The following KCNJ3 variants were observed in gnomAD, a reference collection of about 807,000 sequenced individuals.
The protein encoded by KCNJ3 is potassium inwardly rectifying channel subfamily J member 3, also known as G protein-activated inward rectifier potassium channel 1.
In KCNJ3, 4 loss-of-function variants were observed where a neutral mutation model predicts 39.2. The ratio of observed to expected loss-of-function variants is 0.10; its 90% CI spans 0.05 to 0.23. KCNJ3 has a LOEUF of 0.23. Among genes scored for constraint, KCNJ3 ranks in the 10% least tolerant of loss-of-function variants. KCNJ3 has a pLI of 1.00. For synonymous variants in KCNJ3, 230 were observed against 237.4 expected (o/e 0.97, Z 0.29); for missense variants, 276 against 634.9 (o/e 0.43, Z 6.08).
chr2:154,809,905 TG>T (rs1686978898), intron 2 of KCNJ3, among the ~76,000 whole-genome samples: 1 of 145,876 alleles, frequency 6.9e-6, no homozygotes, highest in Non-Finnish European at 1.5e-5. Context: ...TATATATATA[TG>T]CACACACACA....
chr2:154,775,041 C>T lies in KCNJ3; in HGVS notation c.919+65222C>T, dbSNP rs72875781. Among the ~76,000 whole-genome samples, 429 of 152,188 alleles carry T rather than the reference C, an allele frequency of 2.8e-3. 3 individuals carry two copies. Among genetic ancestry groups the T allele is most frequent in the Non-Finnish European group, 4.6e-3 (311 of 68,020 alleles). Reference sequence around the variant, plus strand: ...AAGCTATCCTCCTGTTTTAGCGTCTCGAATAGTTGGGACCACAGGCATAAG... The same window carrying T: ...AAGCTATCCTCCTGTTTTAGCGTCTTGAATAGTTGGGACCACAGGCATAAG... On this transcript the variant is annotated intron_variant, in intron 2 of 2. Coordinates refer to ENST00000295101, the MANE Select transcript of KCNJ3 (RefSeq NM_002239.4).
At chr2:154,836,016 G>A (rs2105124442) in intron 2 of KCNJ3, among the ~76,000 whole-genome samples, 1 of 152,082 alleles carries the variant, frequency 6.6e-6, no homozygotes, top group Non-Finnish European at 1.5e-5. Flanking sequence ...TTTGAGACCA[G>A]CCTGGCCAAC....
chr2:154,823,154 AT>A (rs1351020183), intron 2 of KCNJ3, among the ~76,000 whole-genome samples: 11 of 152,290 alleles, frequency 7.2e-5, no homozygotes, highest in South Asian at 6.2e-4. Context: ...TATGGTACTA[AT>A]AAAAAGTATG....
chr2:154,847,796 T>C (rs1208758634), intron 2 of KCNJ3, among the ~76,000 whole-genome samples: 1 of 152,178 alleles, frequency 6.6e-6, no homozygotes, highest in African/African-American at 2.4e-5. Flanking sequence ...TAAAGAGATG[T>C]ATTAGTTTTT....
At chr2:154,732,695 C>T (rs944633081) in intron 2 of KCNJ3, among the ~76,000 whole-genome samples, 1 of 152,098 alleles carries the variant, frequency 6.6e-6, no homozygotes, top group Non-Finnish European at 1.5e-5. Context: ...GAGTTGACAT[C>T]CCAAGTAGTT....
intron 2 of KCNJ3, among the ~76,000 whole-genome samples, chr2:154,777,620 A>G (rs981305861): frequency 1.1e-4 from 16 of 152,322 alleles, no homozygotes; most frequent in South Asian, 2.1e-4. Context: ...AGTTGAATCA[A>G]TAACTTCTTT....
intron 2 of KCNJ3, among the ~76,000 whole-genome samples, chr2:154,762,446 G>A (rs1274875291): frequency 6.6e-6 from 1 of 152,080 alleles, no homozygotes; most frequent in African/African-American, 2.4e-5. Context: ...CTGGAGAGTG[G>A]GCCAGGATTT....
intron 2 of KCNJ3, among the ~76,000 whole-genome samples, chr2:154,766,240 T>A (rs3963114): frequency 0.029 from 4,383 of 152,328 alleles, 177 homozygotes; most frequent in East Asian, 0.2. Context: ...TTAACCAGTT[T>A]AACCATTTTC....
chr2:154,732,486 G>A (rs1041907139), intron 2 of KCNJ3, among the ~76,000 whole-genome samples: 1 of 151,986 alleles, frequency 6.6e-6, no homozygotes, highest in Non-Finnish European at 1.5e-5. Flanking sequence ...TTTGGAAAAA[G>A]ACTCAAAAGG....
intron 2 of KCNJ3, among the ~76,000 whole-genome samples, chr2:154,767,328 C>T (rs185721779): frequency 6.6e-6 from 1 of 151,928 alleles, no homozygotes; most frequent in African/African-American, 2.4e-5. Flanking sequence ...AATGCCATCC[C>T]TCCCCACTCC....
intron 2 of KCNJ3, among the ~76,000 whole-genome samples, chr2:154,723,177 G>C (rs1248683338): frequency 6.6e-6 from 1 of 152,020 alleles, no homozygotes; most frequent in East Asian, 1.9e-4. Flanking sequence ...CCCAGCTACA[G>C]GGGTGACTGA....
At chr2:154,799,510 G>A (rs1460292825) in intron 2 of KCNJ3, among the ~76,000 whole-genome samples, 1 of 152,148 alleles carries the variant, frequency 6.6e-6, no homozygotes, top group African/African-American at 2.4e-5. Flanking sequence ...GGATGGAGAA[G>A]TCAATGGTCT....
chr2:154,739,046 A>G (rs1312322489), intron 2 of KCNJ3, among the ~76,000 whole-genome samples: 2 of 152,048 alleles, frequency 1.3e-5, no homozygotes, highest in South Asian at 4.1e-4. Flanking sequence ...GAAATCATAA[A>G]TTATATAATT....
At chr2:154,750,350 T>C (rs1002633038) in intron 2 of KCNJ3, among the ~76,000 whole-genome samples, 1 of 151,988 alleles carries the variant, frequency 6.6e-6, no homozygotes, top group Non-Finnish European at 1.5e-5. Flanking sequence ...TTGTTGCTAA[T>C]ATAATTAAAA....
intron 2 of KCNJ3, among the ~76,000 whole-genome samples, chr2:154,848,682 G>A (rs1687703756): frequency 6.6e-6 from 1 of 152,010 alleles, no homozygotes; most frequent in Admixed American, 6.6e-5. Context: ...TAGAATATAA[G>A]TACTATTCTT....
At chr2:154,705,034 TTGTGAAAGG>T (rs1684978240) in intron 1 of KCNJ3, among the ~76,000 whole-genome samples, 1 of 152,192 alleles carries the variant, frequency 6.6e-6, no homozygotes, top group Non-Finnish European at 1.5e-5. Flanking sequence ...CAGCAAGGAC[TTGTGAAAGG>T]TGGTTAGGCA....
At chr2:154,781,823 A>G (rs993284101) in intron 2 of KCNJ3, among the ~76,000 whole-genome samples, 2 of 152,182 alleles carry the variant, frequency 1.3e-5, no homozygotes, top group Non-Finnish European at 2.9e-5. Context: ...GTGACTTTTA[A>G]TTTCTCCAAC....
At chr2:154,809,200 T>C (rs140480620) in intron 2 of KCNJ3, among the ~76,000 whole-genome samples, 102 of 152,184 alleles carry the variant, frequency 6.7e-4, no homozygotes, top group African/African-American at 2.4e-3. Flanking sequence ...CCTTACTGCA[T>C]AGCAGAGGAA....
intron 2 of KCNJ3, among the ~76,000 whole-genome samples, chr2:154,812,835 C>T (rs906023852): frequency 1.3e-5 from 2 of 151,994 alleles, no homozygotes; most frequent in Non-Finnish European, 2.9e-5. Context: ...GTCAAATTGC[C>T]TGTGAATAAA....
Sources: gnomAD v4.1 joint callset for allele counts (sites outside exome capture counted in the v4.1 genomes callset) on GRCh38, gnomAD v4.1.1 for gene constraint, MANE v1.5 for transcripts, NCBI Gene and HGNC (gene_info 2026-07-23, HGNC 2026-07-21) for gene names.